The following ZFPM2 variants were observed in gnomAD, a reference collection of about 807,000 sequenced individuals.
ZFPM2 encodes zinc finger protein ZFPM2.
A neutral mutation model predicts 98.6 loss-of-function variants in ZFPM2; 20 were observed. The ratio of observed to expected loss-of-function variants is 0.20; its 90% CI spans 0.14 to 0.29. The LOEUF (loss-of-function observed/expected upper bound fraction) is 0.29. Among genes scored for constraint, ZFPM2 ranks in the 10% least tolerant of loss-of-function variants. The pLI, the probability that ZFPM2 is intolerant of heterozygous loss-of-function variation, is 1.00. For missense variants in ZFPM2, 1,310 were observed against 1,388.6 expected (o/e 0.94, Z 0.90); for synonymous variants, 518 against 502.7 (o/e 1.03, Z -0.41).
At chr8:105,783,349 T>C (rs1899422) in intron 5 of ZFPM2, among the ~76,000 whole-genome samples, 1 of 148,668 alleles carries the variant, frequency 6.7e-6, no homozygotes, top group Non-Finnish European at 1.5e-5. Context: ...TGTTTTGTAG[T>C]GAAAAAAAAA....
At chr8:105,704,519 G>C (rs896699287) in intron 5 of ZFPM2, among the ~76,000 whole-genome samples, 40 of 152,098 alleles carry the variant, frequency 2.6e-4, no homozygotes, top group African/African-American at 9.7e-4. Context: ...CCCCACCCCT[G>C]CCAAGGTGAA....
At chr8:105,774,545 A>G (rs1179090716) in intron 5 of ZFPM2, among the ~76,000 whole-genome samples, 3 of 152,206 alleles carry the variant, frequency 2.0e-5, no homozygotes, top group African/African-American at 4.8e-5. Flanking sequence ...AAGGGACATG[A>G]AAACAAGTAT....
intron 1 of ZFPM2, among the ~76,000 whole-genome samples, chr8:105,375,066 A>G (rs576008590): frequency 6.6e-6 from 1 of 152,262 alleles, no homozygotes; most frequent in East Asian, 1.9e-4. Context: ...GGGGGCAAGG[A>G]TTTTGGAGAT....
At chr8:105,396,812 G>A (rs1173277787) in intron 1 of ZFPM2, among the ~76,000 whole-genome samples, 1 of 152,030 alleles carries the variant, frequency 6.6e-6, no homozygotes, top group Non-Finnish European at 1.5e-5. Context: ...ACTAATTATT[G>A]TGTTCCAGTG....
chr8:105,529,588 T>TA, intron 3 of ZFPM2, among the ~76,000 whole-genome samples: 1 of 151,874 alleles, frequency 6.6e-6, no homozygotes, highest in South Asian at 2.1e-4. Context: ...CATTTTTTTT[T>TA]TTTTTTTTGG....
intron 2 of ZFPM2, among the ~76,000 whole-genome samples, chr8:105,438,504 G>A (rs1444076605): frequency 2.0e-5 from 3 of 151,974 alleles, no homozygotes; most frequent in Non-Finnish European, 2.9e-5. Flanking sequence ...CTGATTACTC[G>A]GCAATGTATT....
intron 3 of ZFPM2, among the ~76,000 whole-genome samples, chr8:105,512,696 G>A (rs1264285186): frequency 6.6e-6 from 1 of 152,128 alleles, no homozygotes; most frequent in Non-Finnish European, 1.5e-5. Context: ...AATATGCATG[G>A]TTAACTTTAT....
At chr8:105,649,069 A>C (rs928144868) in intron 5 of ZFPM2, among the ~76,000 whole-genome samples, 2 of 152,110 alleles carry the variant, frequency 1.3e-5, no homozygotes, top group Non-Finnish European at 2.9e-5. Flanking sequence ...AGTGGTTTGT[A>C]GTTCTCCTTG....
At chr8:105,366,230 G>A (rs1317885142) in intron 1 of ZFPM2, among the ~76,000 whole-genome samples, 1 of 152,070 alleles carries the variant, frequency 6.6e-6, no homozygotes, top group Non-Finnish European at 1.5e-5. Flanking sequence ...TAATTCAATC[G>A]ATAGGCATTG....
intron 3 of ZFPM2, among the ~76,000 whole-genome samples, chr8:105,504,331 A>G (rs1009973288): frequency 6.6e-6 from 1 of 152,186 alleles, no homozygotes; most frequent in Admixed American, 6.5e-5. Flanking sequence ...TTTAAGATAG[A>G]CAAATGCTGC....
At chr8:105,396,729 C>A (rs1408877142) in intron 1 of ZFPM2, among the ~76,000 whole-genome samples, 1 of 152,278 alleles carries the variant, frequency 6.6e-6, no homozygotes, top group Admixed American at 6.5e-5. Flanking sequence ...ACAACATTCA[C>A]TTGCATTAGA....
At chr8:105,762,746 T>G (rs1489746869) in intron 5 of ZFPM2, among the ~76,000 whole-genome samples, 2 of 151,898 alleles carry the variant, frequency 1.3e-5, no homozygotes, top group African/African-American at 4.8e-5. Flanking sequence ...GCTTTACAAT[T>G]TTATAATTAA....
At chr8:105,424,979 G>A (rs1194206313) in intron 2 of ZFPM2, among the ~76,000 whole-genome samples, 5 of 152,210 alleles carry the variant, frequency 3.3e-5, no homozygotes, top group African/African-American at 9.7e-5. Context: ...TTCATAAAGA[G>A]CGATGGGGAA....
intron 4 of ZFPM2, among the ~76,000 whole-genome samples, chr8:105,624,273 G>T (rs977468483): frequency 6.7e-4 from 102 of 152,156 alleles, no homozygotes; most frequent in Non-Finnish European, 2.9e-4. Flanking sequence ...CACACTTTTT[G>T]CACATTGCAC....
chr8:105,649,424 GC>G (rs1486614228), intron 5 of ZFPM2, among the ~76,000 whole-genome samples: 3 of 152,148 alleles, frequency 2.0e-5, no homozygotes, highest in Admixed American at 1.3e-4. Flanking sequence ...ATGTTGAATA[GC>G]AGTGGTGAGA....
At chr8:105,797,421 C>G (rs1450467621) in intron 6 of ZFPM2, among the ~76,000 whole-genome samples, 1 of 152,188 alleles carries the variant, frequency 6.6e-6, no homozygotes, top group Admixed American at 6.5e-5. Context: ...TCACTACCTT[C>G]AAAACTAGAC....
intron 3 of ZFPM2, among the ~76,000 whole-genome samples, chr8:105,531,467 AC>A (rs1387367244): frequency 6.6e-6 from 1 of 152,032 alleles, no homozygotes; most frequent in Non-Finnish European, 1.5e-5. Flanking sequence ...TCATCTCATG[AC>A]CATCTTCTTA....
chr8:105,380,601 T>TTA (rs71926432), intron 1 of ZFPM2, among the ~76,000 whole-genome samples: 12 of 39,528 alleles, frequency 3.0e-4, no homozygotes, highest in Non-Finnish European at 3.8e-4. Context: ...TATATATATA[T>TTA]TATATATATA....
chr8:105,746,808 A>G (rs1400239999), intron 5 of ZFPM2, among the ~76,000 whole-genome samples: 2 of 151,848 alleles, frequency 1.3e-5, no homozygotes, highest in Non-Finnish European at 2.9e-5. Flanking sequence ...TTTTAAATGG[A>G]CTGAAGGAAA....
Sources: gnomAD v4.1 joint callset for allele counts (sites outside exome capture counted in the v4.1 genomes callset) on GRCh38, gnomAD v4.1.1 for gene constraint, MANE v1.5 for transcripts, NCBI Gene and HGNC (gene_info 2026-07-23, HGNC 2026-07-21) for gene names.